Variants in TMEM126B observed in about 807,000 individuals in gnomAD.
TMEM126B encodes transmembrane protein 126B.
TMEM126B carries 19 observed loss-of-function variants against 16.5 expected under a neutral mutation model. That is an observed-to-expected ratio of 1.15 (90% CI 0.80 to 1.69). TMEM126B has a LOEUF of 1.69. Among genes scored for constraint, TMEM126B ranks in the 40% most tolerant of loss-of-function variants. TMEM126B has a pLI of 0.00. For missense variants in TMEM126B, 293 were observed against 278.7 expected (o/e 1.05, Z -0.37); for synonymous variants, 104 against 93.2 (o/e 1.12, Z -0.67).
chr11:85,629,707 T>C (rs1364202858), intron 1 of TMEM126B, among the ~76,000 whole-genome samples: 2 of 152,214 alleles, frequency 1.3e-5, no homozygotes, highest in Non-Finnish European at 2.9e-5. Context: ...ACTCATGTTA[T>C]TGACGTCTGC....
intron 1 of TMEM126B, chr11:85,631,092 T>A: frequency 7.9e-7 from 1 of 1,259,604 alleles, no homozygotes; most frequent in Non-Finnish European, 1.0e-6. Context: ...TCTTTCTGAT[T>A]TTTCTCTCTC....
rs151194418 is a variant in TMEM126B at position 85,634,096 on chromosome 11, A to G, written c.214A>G (p.Ile72Val). 10 of 1,612,700 alleles carry G rather than the reference A, an allele frequency of 6.2e-6. No individual in the cohort carries two copies. Among genetic ancestry groups the G allele is most frequent in the African/African-American group, 1.3e-5 (1 of 74,894 alleles). Residue 72 changes from isoleucine (I) to valine (V), a missense_variant, in exon 3 of 5, where the codon ATA becomes GTA. By Grantham distance (29) the Ile-to-Val change is conservative (BLOSUM62 3). Transcript: ENST00000358867. ...DYLRKEMTQN[I>V]YQMATFGTTA... ...CTTTTTTTCTATTAGGACACAAAAT[A>G]TATATCAAATGGCGACATTTGGAAC...
At chr11:85,635,332 A>G (rs187311523) in intron 3 of TMEM126B, among the ~76,000 whole-genome samples, 310 of 152,304 alleles carry the variant, frequency 2.0e-3, no homozygotes, top group Non-Finnish European at 3.7e-3. Context: ...GAATTGCTTG[A>G]ACCCTGGAGG....
rs186518142 is a variant in TMEM126B, at chr11:85,628,628, G to A, written c.21G>A (p.Glu7=). Residue 7 remains glutamate, a synonymous_variant, in exon 1 of 5, where the codon GAG becomes GAA. Coordinates refer to ENST00000358867, the MANE Select transcript of TMEM126B (RefSeq NM_018480.7). MVVFGY[E]AGTKPRDSGV... is the part of the protein sequence containing the mutation. ...CCAAAATGGTGGTGTTCGGGTATGA[G>A]GCTGGGACTAAGCCAAGGGATTCAG... 1.4e-5 allele frequency: 21 copies of A among 1,536,158 alleles called. No homozygotes were observed. Among genetic ancestry groups the A allele is most frequent in the Admixed American group, 5.9e-5 (3 of 51,012 alleles).
intron 3 of TMEM126B, chr11:85,634,868 G>A (rs1451856186): frequency 6.6e-6 from 1 of 152,420 alleles, no homozygotes; most frequent in Non-Finnish European, 1.5e-5. Context: ...GGAGACCTCT[G>A]ATTGCCTCAT....
chr11:85,635,790 C>A lies in TMEM126B; in HGVS notation c.509+12C>A. On this transcript the variant is annotated intron_variant, in intron 4 of 4. Coordinates refer to ENST00000358867, the MANE Select transcript of TMEM126B (RefSeq NM_018480.7). ...CGCCTGGCAACCAAGTAAGTTCTTC[C>A]TTTTCCTTCTTTTTTCTTTTCTTTT... 2 of 1,441,674 alleles carry A rather than the reference C, an allele frequency of 1.4e-6. No homozygotes were observed. Among genetic ancestry groups the A allele is most frequent in the Non-Finnish European group, 1.8e-6 (2 of 1,085,704 alleles). The allele number at this position is 1,441,674 out of a possible 1,614,324, so 89.3% of individuals were successfully genotyped here. A position where few individuals can be genotyped will look rare whatever the true frequency, so the allele number is the denominator to read the frequency against.
intron 1 of TMEM126B, among the ~76,000 whole-genome samples, chr11:85,630,058 G>T (rs1041121940): frequency 6.6e-6 from 1 of 152,116 alleles, no homozygotes; most frequent in East Asian, 1.9e-4. Context: ...CTATAGTTAG[G>T]ATTGGTACAT....
chr11:85,635,352 C>T (rs1367977723), intron 3 of TMEM126B, among the ~76,000 whole-genome samples: 1 of 152,198 alleles, frequency 6.6e-6, no homozygotes, highest in African/African-American at 2.4e-5. Context: ...GCAGAGGTTG[C>T]AGTGAGCCGA....
rs772452178 is a variant in TMEM126B, at chr11:85,636,152, A to G, written c.616A>G (p.Met206Val). The G allele has an allele frequency of 6.2e-7, 1 of 1,612,184 alleles. No homozygotes were observed. Among genetic ancestry groups the G allele is most frequent in the Non-Finnish European group, 8.5e-7 (1 of 1,179,456 alleles). The change falls in exon 5 of 5, where the codon ATG becomes GTG. Residue 206 changes from methionine to valine, a missense_variant. Physicochemically the swap from Met to Val is conservative, Grantham distance 21. Transcript: ENST00000358867. ...GGCGATTCCTCTAGTCTTTCAGATT[A>G]TGTTTGGAATATTAAATGGTCTATA... ...LMAIPLVFQIMFGILNGLYHY... is the reference protein window; with the variant it reads ...LMAIPLVFQIVFGILNGLYHY...
At chr11:85,628,886 CATT>C (rs1178371009) in intron 1 of TMEM126B, among the ~76,000 whole-genome samples, 198 bp downstream of exon 1, 1 of 152,220 alleles carries the variant, frequency 6.6e-6, no homozygotes, top group African/African-American at 2.4e-5. Flanking sequence ...TTCTAGTCCT[CATT>C]ATCTGCAGTT....
intron 3 of TMEM126B, among the ~76,000 whole-genome samples, chr11:85,635,458 G>A (rs1183098887): frequency 2.0e-5 from 3 of 152,130 alleles, no homozygotes; most frequent in Admixed American, 2.0e-4. Flanking sequence ...ATACGTTAGA[G>A]GTAATTCTCT....
intron 2 of TMEM126B, 35 bp from the exon 3 acceptor site, chr11:85,634,051 G>T (rs776226990): frequency 6.8e-7 from 1 of 1,479,770 alleles, no homozygotes; most frequent in Admixed American, 1.7e-5. Flanking sequence ...AAGTTCAATG[G>T]TATAGTGAAC....
At chr11:85,635,112 T>C (rs2082374149) in intron 3 of TMEM126B, 1 of 152,342 alleles carries the variant, frequency 6.6e-6, no homozygotes, top group South Asian at 2.1e-4. Flanking sequence ...GGTTTGCTAG[T>C]TTAGTATTGT....
intron 1 of TMEM126B, chr11:85,629,404 G>A: frequency 2.2e-6 from 1 of 448,352 alleles, no homozygotes; most frequent in South Asian, 1.9e-5. Flanking sequence ...CTAGTTGAGT[G>A]GCCTTAAGGG....
Position 85,636,111 on chromosome 11 carries a change from C to T in TMEM126B, c.575C>T (p.Thr192Ile). 1 of 1,612,810 alleles carries T rather than the reference C, an allele frequency of 6.2e-7. No individual in the cohort carries two copies. The highest frequency in any genetic ancestry group is 8.5e-7 in the Non-Finnish European group (1 of 1,179,638). Residue 192 changes from threonine (T) to isoleucine (I), a missense_variant, in exon 5 of 5, where the codon ACA becomes ATA. Coordinates refer to ENST00000358867, the MANE Select transcript of TMEM126B (RefSeq NM_018480.7). ...VLIHWMTLCQ[T>I]QMKLMAIPLV... ...ATCCATTGGATGACGCTTTGTCAAACACAAATGAAATTAATGGCGATTCCT... is the reference window on the plus strand; with the variant it reads ...ATCCATTGGATGACGCTTTGTCAAATACAAATGAAATTAATGGCGATTCCT...
intron 1 of TMEM126B, 101 bp from the exon 2 acceptor site, chr11:85,631,586 T>A: frequency 7.3e-7 from 1 of 1,367,634 alleles, no homozygotes; most frequent in Non-Finnish European, 9.9e-7. Context: ...GGCACACTAC[T>A]AAACTGTAAA....
rs933122938 is a variant in TMEM126B, at chr11:85,636,446, T to A, written c.*217T>A. ...ACAGGTCTTATCTCCTGATGGTGTG[T>A]CCATTTTGCCTGGTATATAACAGAT... On this transcript the variant is annotated 3_prime_UTR_variant, in exon 5 of 5. Transcript: ENST00000358867. The A allele has an allele frequency of 3.1e-6, 1 of 321,452 alleles. No individual in the cohort carries two copies. The highest frequency in any genetic ancestry group is 5.7e-6 in the Non-Finnish European group (1 of 176,088). 19.9% of individuals were successfully genotyped at this position (321,452 alleles called of 1,614,324 possible). A position where few individuals can be genotyped will look rare whatever the true frequency, so the allele number is the denominator to read the frequency against.
chr11:85,635,785 T>G lies in TMEM126B; in HGVS notation c.509+7T>G, dbSNP rs1565794153. 6.5e-7 allele frequency: 1 copy of G among 1,543,006 alleles called. No individual in the cohort carries two copies. The highest frequency in any genetic ancestry group is 2.3e-5 in the East Asian group (1 of 43,648). ...ATGGACGCCTGGCAACCAAGTAAGTTCTTCCTTTTCCTTCTTTTTTCTTTT... is the reference window on the plus strand; with the variant it reads ...ATGGACGCCTGGCAACCAAGTAAGTGCTTCCTTTTCCTTCTTTTTTCTTTT... On this transcript the variant is annotated splice_region_variant and intron_variant, in intron 4 of 4. Transcript: ENST00000358867.
chr11:85,631,260 A>G (rs920920994), intron 1 of TMEM126B: 6 of 1,282,606 alleles, frequency 4.7e-6, no homozygotes, highest in Non-Finnish European at 6.1e-6. Flanking sequence ...GAGGACAACT[A>G]CAAAGAGCCT....
Sources: allele counts gnomAD v4.1 joint callset (sites outside exome capture counted in the v4.1 genomes callset), GRCh38; gene constraint gnomAD v4.1.1; transcripts MANE v1.5; gene names NCBI Gene and HGNC (gene_info 2026-07-23, HGNC 2026-07-21).